The following SLC28A3 variants were observed in gnomAD, a reference collection of about 807,000 sequenced individuals.
SLC28A3 encodes solute carrier family 28 member 3.
In SLC28A3, 68 loss-of-function variants were observed where a neutral mutation model predicts 84.2. That is an observed-to-expected ratio of 0.81 (90% CI 0.66 to 0.99). The LOEUF (loss-of-function observed/expected upper bound fraction) is 0.99, where lower values mean the gene tolerates loss of function less well. SLC28A3 is among the 50% of genes least tolerant of loss of function. The pLI is 0.00. For missense variants in SLC28A3, 712 were observed against 841.5 expected (o/e 0.85, Z 1.90); for synonymous variants, 267 against 303.6 (o/e 0.88, Z 1.25).
intron 16 of SLC28A3, 57 bp downstream of exon 16, chr9:84,279,918 C>T: frequency 6.4e-7 from 1 of 1,558,270 alleles, no homozygotes; most frequent in Non-Finnish European, 8.8e-7. Flanking sequence ...CACTGCCTGT[C>T]CTGAAAGCTG....
At chr9:84,285,299 G>A in intron 14 of SLC28A3, 46 bp downstream of exon 14, 1 of 1,566,270 alleles carries the variant, frequency 6.4e-7, no homozygotes, top group East Asian at 2.3e-5. Flanking sequence ...GACGAATGCA[G>A]GTATGTGATG....
At chr9:84,301,661 A>G (rs1825642024) in intron 5 of SLC28A3, among the ~76,000 whole-genome samples, 1 of 152,218 alleles carries the variant, frequency 6.6e-6, no homozygotes, top group African/African-American at 2.4e-5. Flanking sequence ...ACAGACACAT[A>G]ATCAGCAATC....
intron 1 of SLC28A3, among the ~76,000 whole-genome samples, chr9:84,339,375 G>A (rs1827083198): frequency 6.6e-6 from 1 of 151,850 alleles, no homozygotes; most frequent in South Asian, 2.1e-4. Flanking sequence ...TCGGCCTCCC[G>A]AGTAGCTGGG....
chr9:84,335,018 C>T (rs1421300894), intron 1 of SLC28A3, among the ~76,000 whole-genome samples: 1 of 152,052 alleles, frequency 6.6e-6, no homozygotes, highest in Admixed American at 6.6e-5. Context: ...ACTCCTTAAG[C>T]GCTACTGTTT....
intron 4 of SLC28A3, among the ~76,000 whole-genome samples, chr9:84,304,497 CAAAT>C (rs1027304198): frequency 7.7e-4 from 116 of 151,154 alleles, no homozygotes; most frequent in African/African-American, 2.5e-3. Flanking sequence ...AAACAAAAAA[CAAAT>C]AAAGTGAGCC....
chr9:84,342,020 T>A (rs886975509), upstream of SLC28A3, among the ~76,000 whole-genome samples: 1 of 151,006 alleles, frequency 6.6e-6, no homozygotes, highest in African/African-American at 2.4e-5. Flanking sequence ...TCCCAGCTAC[T>A]CGGGAGGCTG....
chr9:84,308,545 CA>C (rs56987458), intron 3 of SLC28A3, among the ~76,000 whole-genome samples: 7 of 148,206 alleles, frequency 4.7e-5, no homozygotes, highest in East Asian at 3.9e-4. Flanking sequence ...GACTCCATCT[CA>C]AAAAAAAAAT....
rs551847829 is a variant in SLC28A3, at chr9:84,280,005, C to T, written c.1798G>A (p.Val600Met). 40 of 1,613,892 alleles carry T rather than the reference C, an allele frequency of 2.5e-5. No individual in the cohort carries two copies. The highest frequency in any genetic ancestry group is 4.4e-5 in the South Asian group (4 of 91,080). ...GAVRALIAGT[V>M]ACFMTACIAG... ...ATGCAGGCTGTCATGAAGCAGGCCA[C>T]GGTCCCCGCAATCAGAGCTCTCACT... The change falls in exon 16 of 18, where the codon GTG (valine) becomes ATG (methionine). Residue 600 changes from valine (V) to methionine (M), a missense_variant. Transcript: ENST00000376238.
At chr9:84,305,496 A>C in intron 3 of SLC28A3, 151 bp from the exon 4 acceptor site, 1 of 693,720 alleles carries the variant, frequency 1.4e-6, no homozygotes, top group Non-Finnish European at 2.5e-6. Context: ...TGGGAAACTC[A>C]TTTCATTTTA....
rs377154008 is a variant in SLC28A3 at position 84,313,410 on chromosome 9, G to A, written c.105C>T (p.Asn35=). The change falls in exon 2 of 18, where the codon AAC becomes AAT. Residue 35 remains asparagine (N), a synonymous_variant. Coordinates refer to ENST00000376238, the MANE Select transcript of SLC28A3 (RefSeq NM_001199633.2). ...TTTGCACAGCTCTGCTTCTTATTGAGTTGTTTCCTGATGTGTTCTCGTTCT... is the reference window on the plus strand; with the variant it reads ...TTTGCACAGCTCTGCTTCTTATTGAATTGTTTCCTGATGTGTTCTCGTTCT... ...FLENENTSGN[N]SIRSRAVQSR... 37 of 1,613,922 alleles carry A rather than the reference G, an allele frequency of 2.3e-5. No homozygotes were observed. Among genetic ancestry groups the A allele is most frequent in the Non-Finnish European group, 3.1e-5 (36 of 1,179,972 alleles).
At position 84,305,138 on chromosome 9, in the gene SLC28A3, A is replaced by G. The variant is rs374851336; in HGVS notation, c.334+116T>C. On this transcript the variant is annotated intron_variant, in intron 4 of 17. Coordinates refer to ENST00000376238, the MANE Select transcript of SLC28A3 (RefSeq NM_001199633.2). ...CTCTACCACCCCCGATGATTCAGTG[A>G]GGTCCCAGAGAAAATAAAGGTTTAA... 2.5e-4 allele frequency: 211 copies of G among 834,948 alleles called. No individual in the cohort carries two copies. In the African/African-American group the frequency reaches 3.3e-3, roughly 13 times the overall value. 51.7% of individuals were successfully genotyped at this position (834,948 alleles called of 1,614,324 possible). A position where few individuals can be genotyped will look rare whatever the true frequency, so the allele number is the denominator to read the frequency against.
chr9:84,363,898 A>G, the SLC28A3 span, among the ~76,000 whole-genome samples: 1 of 152,042 alleles, frequency 6.6e-6, no homozygotes, highest in Admixed American at 6.6e-5. Context: ...CCTGATTTCC[A>G]TACTGACCAA....
upstream of SLC28A3, among the ~76,000 whole-genome samples, chr9:84,344,906 G>C (rs1827224818): frequency 6.6e-6 from 1 of 152,110 alleles, no homozygotes; most frequent in Admixed American, 6.6e-5. Flanking sequence ...ATAAAACCAA[G>C]CTGTGCCCTG....
chr9:84,285,992 G>A lies in SLC28A3; in HGVS notation c.1400C>T (p.Ala467Val), dbSNP rs746416506. ...FLALLSFMNS[A>V]LSWFGNMFDY... ...AAACATGTTTCCAAACCAGGACAGG[G>A]CTGAATTCATAAAAGACAGCAGGGC... Residue 467 changes from alanine (A) to valine (V), a missense_variant, in exon 13 of 18, where the codon GCC becomes GTC. Coordinates refer to ENST00000376238, the MANE Select transcript of SLC28A3 (RefSeq NM_001199633.2). The A allele has an allele frequency of 6.2e-7, 1 of 1,614,024 alleles. No individual in the cohort carries two copies. Among genetic ancestry groups the A allele is most frequent in the Non-Finnish European group, 8.5e-7 (1 of 1,179,982 alleles).
Position 84,297,206 on chromosome 9 carries a change from A to G in SLC28A3, c.861+15T>C. The G allele has an allele frequency of 6.2e-7, 1 of 1,603,014 alleles. No homozygotes were observed. Among genetic ancestry groups the G allele is most frequent in the Non-Finnish European group, 8.5e-7 (1 of 1,175,640 alleles). Reference sequence around the variant, plus strand: ...GAAATAGCAGCGACTACATAGAAAAAAGGTTTGACTTTACCTTAAATGCAA... The same window carrying G: ...GAAATAGCAGCGACTACATAGAAAAGAGGTTTGACTTTACCTTAAATGCAA... On this transcript the variant is annotated intron_variant, in intron 8 of 17. Transcript: ENST00000376238.
chr9:84,318,141 G>A (rs1826236689), intron 1 of SLC28A3, among the ~76,000 whole-genome samples: 1 of 152,136 alleles, frequency 6.6e-6, no homozygotes, highest in African/African-American at 2.4e-5. Flanking sequence ...CAAGTCTCGG[G>A]TGTGCATAAT....
chr9:84,290,051 C>A, intron 11 of SLC28A3, 103 bp downstream of exon 11: 2 of 1,450,998 alleles, frequency 1.4e-6, no homozygotes, highest in South Asian at 2.9e-5. Context: ...CAAAAAAAGA[C>A]ACTCTCTTGG....
intron 13 of SLC28A3, among the ~76,000 whole-genome samples, 179 bp downstream of exon 13, chr9:84,285,764 G>C (rs1824957718): frequency 6.6e-6 from 1 of 152,190 alleles, no homozygotes; most frequent in African/African-American, 2.4e-5. Context: ...TGTCGTTGTG[G>C]GGAAGGAGGG....
intron 1 of SLC28A3, among the ~76,000 whole-genome samples, chr9:84,335,766 T>C (rs954159752): frequency 6.6e-6 from 1 of 152,046 alleles, no homozygotes; most frequent in Non-Finnish European, 1.5e-5. Context: ...ATTATACATA[T>C]ATAATATTAG....
Sources: allele counts gnomAD v4.1 joint callset (sites outside exome capture counted in the v4.1 genomes callset), GRCh38; gene constraint gnomAD v4.1.1; transcripts MANE v1.5; gene names NCBI Gene and HGNC (gene_info 2026-07-23, HGNC 2026-07-21).